Variants in TBX4 observed in about 807,000 individuals in gnomAD.
TBX4 encodes the protein T-box transcription factor 4, also known as T-box transcription factor TBX4.
Under a neutral mutation model 54.6 loss-of-function variants are expected in TBX4, and 13 were observed. The observed-to-expected ratio is 0.24, with a 90% CI of 0.15 to 0.38. The LOEUF (loss-of-function observed/expected upper bound fraction) is 0.38, where lower values mean the gene tolerates loss of function less well. Ranked by LOEUF, TBX4 falls within the 10% of genes least tolerant of loss-of-function variation. TBX4 has a pLI of 1.00. For missense variants in TBX4, 631 were observed against 728.5 expected, an observed-to-expected ratio of 0.87 and a Z score of 1.54; for synonymous variants, 314 against 306.7, an observed-to-expected ratio of 1.02 and a Z score of -0.25.
intron 5 of TBX4, among the ~76,000 whole-genome samples, chr17:61,468,342 T>G (rs557648540): frequency 1.3e-5 from 2 of 152,288 alleles, no homozygotes; most frequent in Non-Finnish European, 1.5e-5. Flanking sequence ...AAAAAGAGAT[T>G]TTTATGTGGA....
chr17:61,480,368 G>A lies in TBX4; in HGVS notation c.1021+49G>A, dbSNP rs933485259. ...CCCTAGAGGGTAAGAGGAGCGGTGA[G>A]GTTCTCCCCGAAACCACTCTGCAGC... On this transcript the variant is annotated intron_variant, in intron 8 of 8. Coordinates refer to ENST00000644296, the MANE Select transcript of TBX4 (RefSeq NM_001321120.2). The surrounding 1 kb of genome is among the most constrained non-coding windows in gnomAD (Gnocchi z 6.2). 10 of 1,508,598 alleles carry A rather than the reference G, an allele frequency of 6.6e-6. No homozygotes were observed. The highest frequency in any genetic ancestry group is 9.0e-6 in the Non-Finnish European group (10 of 1,111,752). The allele number at this position is 1,508,598 out of a possible 1,614,324, so 93.5% of individuals were successfully genotyped here.
Position 61,459,525 on chromosome 17 carries a change from T to C in TBX4, c.281+1894T>C, listed in dbSNP as rs1436957002. Among the ~76,000 whole-genome samples, 1 of 152,218 alleles carries C rather than the reference T, an allele frequency of 6.6e-6. No homozygotes were observed. Among genetic ancestry groups the C allele is most frequent in the Non-Finnish European group, 1.5e-5 (1 of 68,042 alleles). On this transcript the variant is annotated intron_variant, in intron 3 of 8. Coordinates refer to ENST00000644296, the MANE Select transcript of TBX4 (RefSeq NM_001321120.2). The surrounding 1 kb of genome is among the most constrained non-coding windows in gnomAD (Gnocchi z 4.8). ...GCATGTTCTCTGGGCATGTCTGGCCTTTGGCATTTTAAACAAAGGGCATTT... is the reference window on the plus strand; with the variant it reads ...GCATGTTCTCTGGGCATGTCTGGCCCTTGGCATTTTAAACAAAGGGCATTT...
Position 61,484,178 on chromosome 17 carries a change from G to C in TBX4, c.*662G>C, listed in dbSNP as rs1201648649. On this transcript the variant is annotated 3_prime_UTR_variant, in exon 9 of 9. Coordinates refer to ENST00000644296, the MANE Select transcript of TBX4 (RefSeq NM_001321120.2). This position sits in a 1 kb window ranked among gnomAD's most constrained non-coding sequence, Gnocchi z 4.1. ...TCTGAGGTCTGAGGGATGACGTTCG[G>C]AAAGGGTCATGGGCTAAATGTCACC... is the stretch of plus-strand genomic sequence containing the variant. 6.6e-6 allele frequency: 1 copy of C among 152,546 alleles called. No individual in the cohort carries two copies. The highest frequency in any genetic ancestry group is 1.5e-5 in the Non-Finnish European group (1 of 68,356). 9.4% of individuals were successfully genotyped at this position (152,546 alleles called of 1,614,324 possible). A position where few individuals can be genotyped will look rare whatever the true frequency, so the allele number is the denominator to read the frequency against.
chr17:61,478,835 T>G lies in TBX4; in HGVS notation c.702+56T>G. 2 of 1,612,988 alleles carry G rather than the reference T, an allele frequency of 1.2e-6. No homozygotes were observed. Among genetic ancestry groups the G allele is most frequent in the Non-Finnish European group, 1.7e-6 (2 of 1,179,050 alleles). ...CCACTTAACACCACCCTGCGTTCTC[T>G]TCCACCAGGCAGAGAGGCAGAGTGT... On this transcript the variant is annotated intron_variant, in intron 6 of 8. Transcript: ENST00000644296. This position sits in a 1 kb window ranked among gnomAD's most constrained non-coding sequence, Gnocchi z 7.4.
chr17:61,467,410 T>A (rs2060544293), intron 4 of TBX4, 100 bp from the exon 5 acceptor site: 2 of 1,440,922 alleles, frequency 1.4e-6, no homozygotes, highest in Admixed American at 3.5e-5. Context: ...AGCAGCTATT[T>A]TTTCCTCTGG....
chr17:61,470,304 G>A (rs545204142), intron 5 of TBX4, among the ~76,000 whole-genome samples: 3 of 152,270 alleles, frequency 2.0e-5, no homozygotes, highest in South Asian at 4.2e-4. Context: ...TGTCGGGGAG[G>A]GGGTGTGGAA....
chr17:61,452,904 C>A, intron 1 of TBX4: 1 of 985,132 alleles, frequency 1.0e-6, no homozygotes, highest in Non-Finnish European at 1.2e-6. Context: ...ACAGGCGGAG[C>A]GGTGGCCTGG....
At chr17:61,467,948 A>G (rs972597429) in intron 5 of TBX4, among the ~76,000 whole-genome samples, 1 of 152,220 alleles carries the variant, frequency 6.6e-6, no homozygotes, top group African/African-American at 2.4e-5. Context: ...TGGCTGTGAG[A>G]CTTAAATGAG....
At position 61,483,618 on chromosome 17, in the gene TBX4, G is replaced by GTT; in HGVS notation, c.*103_*104insTT. 1.1e-6 allele frequency: 1 copy of GTT among 872,902 alleles called. No homozygotes were observed. Among genetic ancestry groups the GTT allele is most frequent in the Non-Finnish European group, 1.8e-6 (1 of 545,250 alleles). The allele number at this position is 872,902 out of a possible 1,614,324, so 54.1% of individuals were successfully genotyped here. ...GAAACACAGGAAGGTATTCCAGTGT[G>GTT]TGTGTGTGTGTGTGTGTGTGTGTGT... On this transcript the variant is annotated 3_prime_UTR_variant, in exon 9 of 9. Coordinates refer to ENST00000644296, the MANE Select transcript of TBX4 (RefSeq NM_001321120.2). This position sits in a 1 kb window ranked among gnomAD's most constrained non-coding sequence, Gnocchi z 6.6.
chr17:61,458,963 GT>G (rs2060474813), intron 3 of TBX4, among the ~76,000 whole-genome samples: 1 of 152,232 alleles, frequency 6.6e-6, no homozygotes, highest in African/African-American at 2.4e-5. Flanking sequence ...GCCTTATAAA[GT>G]TTCCTTTCTT....
chr17:61,456,408 C>G (rs918948901), intron 1 of TBX4, 80 bp from the exon 2 acceptor site: 16 of 1,526,710 alleles, frequency 1.0e-5, no homozygotes, highest in African/African-American at 6.9e-5. Flanking sequence ...CACGAAGTCC[C>G]GGAATCGGCT....
In TBX4 at chr17:61,456,377, C is replaced by G. The variant is rs374081904; in HGVS notation, c.-3-111C>G. The G allele has an allele frequency of 2.4e-5, 35 of 1,450,650 alleles. No individual in the cohort carries two copies. In the African/African-American group the frequency reaches 4.1e-4, roughly 17 times the overall value. The allele number at this position is 1,450,650 out of a possible 1,614,324, so 89.9% of individuals were successfully genotyped here. ...AGGAGGGGGCGGGGTCCACGTGCTC[C>G]AGGGCTGCCTCCGCGCCCCGCACGA... On this transcript the variant is annotated intron_variant, in intron 1 of 8. Transcript: ENST00000644296.
In TBX4 at chr17:61,464,053, G is replaced by T. The variant is rs895863254; in HGVS notation, c.282-1766G>T. On this transcript the variant is annotated intron_variant, in intron 3 of 8. Coordinates refer to ENST00000644296, the MANE Select transcript of TBX4 (RefSeq NM_001321120.2). This position sits in a 1 kb window ranked among gnomAD's most constrained non-coding sequence, Gnocchi z 5.8. ...TCCCCCATTCCTGGAGAGGGGGTGG[G>T]GTGGGTATTTGAAAATGCTTTCAAT... 6.6e-6 allele frequency among the ~76,000 whole-genome samples: 1 copy of T among 152,154 alleles called. No homozygotes were observed. Among genetic ancestry groups the T allele is most frequent in the African/African-American group, 2.4e-5 (1 of 41,428 alleles).
intron 3 of TBX4, chr17:61,463,017 G>A (rs1031470666): frequency 2.0e-5 from 3 of 152,374 alleles, no homozygotes; most frequent in Non-Finnish European, 4.4e-5. Context: ...TGGGCAGGAA[G>A]CCAATGGAGG....
chr17:61,456,531 T>C lies in TBX4; in HGVS notation c.41T>C (p.Phe14Ser), dbSNP rs778604942. The C allele has an allele frequency of 1.3e-6, 2 of 1,562,540 alleles. No homozygotes were observed. The highest frequency in any genetic ancestry group is 1.7e-6 in the Non-Finnish European group (2 of 1,154,108). Residue 14 changes from phenylalanine (F) to serine (S), a missense_variant, in exon 2 of 9, where the codon TTC (phenylalanine) becomes TCC (serine). Around this residue, in one of 3 missense-constraint regions of TBX4, gnomAD observed 123 missense variants for 120.9 expected, o/e 1.02. Coordinates refer to ENST00000644296, the MANE Select transcript of TBX4 (RefSeq NM_001321120.2). ...DKGLSESEEA[F>S]RAPGPALGEA... ...GGCCTGTCCGAGAGCGAGGAGGCCT[T>C]CCGGGCCCCGGGCCCAGCGCTCGGA...
At position 61,457,501 on chromosome 17, in the gene TBX4, C is replaced by G. The variant is rs1326537780; in HGVS notation, c.187-36C>G. On this transcript the variant is annotated intron_variant, in intron 2 of 8. Coordinates refer to ENST00000644296, the MANE Select transcript of TBX4 (RefSeq NM_001321120.2). The surrounding 1 kb of genome is among the most constrained non-coding windows in gnomAD (Gnocchi z 8.2). ...TCAGGCTCCGCGTGGAGCCCTGGGC[C>G]TGGCAGACACAAGTTTCTCTCCCTC... 1 of 1,596,694 alleles carries G rather than the reference C, an allele frequency of 6.3e-7. No homozygotes were observed. Among genetic ancestry groups the G allele is most frequent in the African/African-American group, 1.3e-5 (1 of 74,588 alleles).
At chr17:61,468,621 T>G (rs1417740037) in intron 5 of TBX4, among the ~76,000 whole-genome samples, 1 of 152,250 alleles carries the variant, frequency 6.6e-6, no homozygotes, top group Non-Finnish European at 1.5e-5. Context: ...GGCATTGAGC[T>G]TCTAGTTTTA....
At position 61,460,627 on chromosome 17, in the gene TBX4, G is replaced by C. The variant is rs1220710083; in HGVS notation, c.281+2996G>C. Among the ~76,000 whole-genome samples the C allele has an allele frequency of 2.0e-5, 3 of 152,190 alleles. No individual in the cohort carries two copies. The highest frequency in any genetic ancestry group is 7.2e-5 in the African/African-American group (3 of 41,428). On this transcript the variant is annotated intron_variant, in intron 3 of 8. Transcript: ENST00000644296. The surrounding 1 kb of genome is among the most constrained non-coding windows in gnomAD (Gnocchi z 4.4). Reference sequence around the variant, plus strand: ...TGTGTCCAGAGGGTTCGTGCTGATAGCCGCAGACAGCAGATCCCTCTCTTG... The same window carrying C: ...TGTGTCCAGAGGGTTCGTGCTGATACCCGCAGACAGCAGATCCCTCTCTTG...
intron 8 of TBX4, among the ~76,000 whole-genome samples, chr17:61,482,068 G>A (rs1442647761): frequency 1.3e-5 from 2 of 152,132 alleles, no homozygotes; most frequent in African/African-American, 2.4e-5. Flanking sequence ...CACCCAGCCC[G>A]GATGAGTGTT....
Sources: gnomAD v4.1 joint callset for allele counts (sites outside exome capture counted in the v4.1 genomes callset) on GRCh38, gnomAD v4.1.1 for gene constraint, gnomAD v4.1.1 regional missense constraint, Gnocchi (gnomAD v3.1) non-coding constraint, MANE v1.5 for transcripts, NCBI Gene and HGNC (gene_info 2026-07-23, HGNC 2026-07-21) for gene names.